ARL17A: variants seen among roughly 807,000 people sequenced by gnomAD.
The protein encoded by ARL17A is ARF like GTPase 17A.
intron 3 of ARL17A, among the ~76,000 whole-genome samples, chr17:46,542,364 C>CTTT (rs1483826694): frequency 6.7e-6 from 1 of 148,832 alleles, no homozygotes; most frequent in Non-Finnish European, 1.5e-5. Flanking sequence ...TGTGATGTAT[C>CTTT]TTTTTTATTT....
At chr17:46,548,920 C>T (rs1461133578), downstream of ARL17A, 4 of 1,612,538 alleles carry the variant, frequency 2.5e-6, 1 homozygote, top group East Asian at 4.5e-5. Context: ...TACCTCCAGC[C>T]CTGCAAAAGC....
At chr17:46,540,625 TTGAG>T (rs1014676742) in intron 3 of ARL17A, among the ~76,000 whole-genome samples, 2 of 141,358 alleles carry the variant, frequency 1.4e-5, no homozygotes, top group African/African-American at 5.6e-5. Context: ...AGTTCTGCTC[TTGAG>T]TATCATTAAT....
the ARL17A span, among the ~76,000 whole-genome samples, chr17:46,502,225 G>A: frequency 2.2e-4 from 34 of 151,176 alleles, no homozygotes; most frequent in Non-Finnish European, 1.5e-5. Flanking sequence ...AGAGGAGAGG[G>A]CATTCATATT....
intron 4 of ARL17A, among the ~76,000 whole-genome samples, chr17:46,533,694 G>T (rs1368059842): frequency 1.3e-5 from 1 of 78,734 alleles, no homozygotes; most frequent in African/African-American, 9.0e-5. Context: ...TAGAGACAGG[G>T]TTTCACCATG....
At chr17:46,544,854 C>G (rs1301942540) in intron 3 of ARL17A, among the ~76,000 whole-genome samples, 3 of 131,076 alleles carry the variant, frequency 2.3e-5, no homozygotes, top group African/African-American at 9.2e-5. Flanking sequence ...AGAATCCAAT[C>G]AAAGATCAGG....
chr17:46,572,926 GAC>G, intron 2 of ARL17A, among the ~76,000 whole-genome samples: 1 of 95,794 alleles, frequency 1.0e-5, no homozygotes, highest in African/African-American at 4.2e-5. Flanking sequence ...GAGAGAGAGA[GAC>G]AGAGATGGGA....
chr17:46,501,831 T>C, the ARL17A span, among the ~76,000 whole-genome samples: 1 of 151,300 alleles, frequency 6.6e-6, no homozygotes, highest in Non-Finnish European at 1.5e-5. Context: ...CCATTTCTCA[T>C]TGAATTAACC....
At chr17:46,543,590 A>G (rs1339152597) in intron 3 of ARL17A, among the ~76,000 whole-genome samples, 1 of 150,808 alleles carries the variant, frequency 6.6e-6, no homozygotes, top group African/African-American at 2.5e-5. Context: ...TAGGGGCTGC[A>G]CACTGAAGTC....
chr17:46,540,642 G>GATGCAAATTA (rs1157565821), intron 3 of ARL17A, among the ~76,000 whole-genome samples: 1 of 144,210 alleles, frequency 6.9e-6, no homozygotes, highest in African/African-American at 2.7e-5. Context: ...TCATTAATTT[G>GATGCAAATTA]ATGATGCAAA....
chr17:46,543,816 T>A (rs915010272), intron 3 of ARL17A, among the ~76,000 whole-genome samples: 1 of 150,778 alleles, frequency 6.6e-6, no homozygotes, highest in African/African-American at 2.5e-5. Flanking sequence ...AAATAAAAAC[T>A]TGGGGGCAGA....
chr17:46,549,051 A>G (rs751631615), downstream of ARL17A: 1 of 1,612,122 alleles, frequency 6.2e-7, no homozygotes. Flanking sequence ...CCAGAAAAAA[A>G]TACCGCTTTC....
At chr17:46,517,057 G>GT (rs2051479272) in intron 4 of ARL17A, 1 of 587,684 alleles carries the variant, frequency 1.7e-6, no homozygotes, top group African/African-American at 2.2e-5. Flanking sequence ...GTAGAAGTCT[G>GT]TTTAGACACA....
chr17:46,530,471 C>A (rs2053531109), intron 4 of ARL17A, among the ~76,000 whole-genome samples: 1 of 135,744 alleles, frequency 7.4e-6, no homozygotes, highest in South Asian at 2.4e-4. Context: ...AGGGGGATCA[C>A]AAGGCAGGAC....
chr17:46,573,234 T>C (rs1465929559), intron 2 of ARL17A, among the ~76,000 whole-genome samples: 3 of 49,046 alleles, frequency 6.1e-5, no homozygotes, highest in Admixed American at 2.2e-4. Context: ...ATAATGATGG[T>C]AGGGGCAGGG....
chr17:46,534,289 A>G (rs1014853687), intron 4 of ARL17A, among the ~76,000 whole-genome samples: 20 of 142,336 alleles, frequency 1.4e-4, no homozygotes, highest in Admixed American at 1.2e-3. Context: ...AGGGAAGGTC[A>G]GCAGATAAAC....
intron 3 of ARL17A, among the ~76,000 whole-genome samples, chr17:46,569,103 T>C (rs1426066980): frequency 6.7e-6 from 1 of 149,188 alleles, no homozygotes; most frequent in African/African-American, 2.5e-5. Context: ...CCACCAAGCC[T>C]GGCTAATTTT....
intron 4 of ARL17A, among the ~76,000 whole-genome samples, chr17:46,533,475 G>A (rs1210079979): frequency 2.7e-4 from 39 of 142,302 alleles, no homozygotes; most frequent in Non-Finnish European, 3.1e-4. Flanking sequence ...TATAATTATT[G>A]CATTATGTAA....
At chr17:46,572,971 AAGGGAGGGAGGG>A (rs745585476) in intron 2 of ARL17A, among the ~76,000 whole-genome samples, 3 of 40,368 alleles carry the variant, frequency 7.4e-5, no homozygotes, top group South Asian at 7.3e-4. Context: ...AAGGACAGAA[AAGGGAGGGAGGG>A]AGGGAGGGAG....
chr17:46,551,398 T>C (rs1174888071), downstream of ARL17A, among the ~76,000 whole-genome samples: 1 of 150,368 alleles, frequency 6.7e-6, no homozygotes, highest in East Asian at 1.9e-4. Flanking sequence ...ACTTGCCTCA[T>C]TTACCATTTC....
Sources: gnomAD v4.1 joint callset for allele counts (sites outside exome capture counted in the v4.1 genomes callset) on GRCh38, gnomAD v4.1.1 for gene constraint, MANE v1.5 for transcripts, NCBI Gene and HGNC (gene_info 2026-07-23, HGNC 2026-07-21) for gene names.